The following BUB1 variants were observed in gnomAD, a reference collection of about 807,000 sequenced individuals.
BUB1 encodes mitotic checkpoint serine/threonine-protein kinase BUB1.
In BUB1, 84 loss-of-function variants were observed where a neutral mutation model predicts 135.2. The ratio of observed to expected loss-of-function variants is 0.62; its 90% CI spans 0.52 to 0.74. The LOEUF (loss-of-function observed/expected upper bound fraction) is 0.74, where lower values mean the gene tolerates loss of function less well. BUB1 is among the 30% of genes least tolerant of loss of function. BUB1 has a pLI of 0.00. For synonymous variants in BUB1, 403 were observed against 434.4 expected (o/e 0.93, Z 0.90); for missense variants, 1,162 against 1,288.3 (o/e 0.90, Z 1.50).
intron 18 of BUB1, among the ~76,000 whole-genome samples, chr2:110,649,660 G>A (rs1004999715): frequency 6.6e-6 from 1 of 152,122 alleles, no homozygotes; most frequent in African/African-American, 2.4e-5. Context: ...CAACTGGAAC[G>A]GCTAGATTCT....
Position 110,641,290 on chromosome 2 carries a change from A to T in BUB1, c.2783+17T>A, listed in dbSNP as rs749148206. 12 of 1,597,484 alleles carry T rather than the reference A, an allele frequency of 7.5e-6. No individual in the cohort carries two copies. The highest frequency in any genetic ancestry group is 1.7e-4 in the Middle Eastern group (1 of 5,992). The stretch of plus-strand genomic sequence containing the variant: ...GAAATAGGAAGAGAAGAACCCTGTT[A>T]AAAGCATAACACTTGCCCGTTTCCA... On this transcript the variant is annotated intron_variant, in intron 22 of 24. Transcript: ENST00000302759.
At chr2:110,658,817 A>T in intron 11 of BUB1, 75 bp from the exon 12 acceptor site, 1 of 1,552,552 alleles carries the variant, frequency 6.4e-7, no homozygotes, top group Non-Finnish European at 8.8e-7. Context: ...CAATTTAAGT[A>T]AGTTACAATT....
intron 1 of BUB1, among the ~76,000 whole-genome samples, chr2:110,675,913 A>G (rs1279293375): frequency 6.6e-6 from 1 of 152,178 alleles, no homozygotes; most frequent in African/African-American, 2.4e-5. Context: ...GGTCTCCCAA[A>G]GTGTTAGAAT....
chr2:110,662,041 G>A (rs1446191223), intron 9 of BUB1, 200 bp from the exon 10 acceptor site: 1 of 592,538 alleles, frequency 1.7e-6, no homozygotes, highest in Non-Finnish European at 2.9e-6. Flanking sequence ...TGGATGCTTT[G>A]TAGCTTCTGA....
Position 110,641,364 on chromosome 2 carries a change from T to C in BUB1, c.2726A>G (p.His909Arg). 6.2e-7 allele frequency: 1 copy of C among 1,614,108 alleles called. No individual in the cohort carries two copies. The highest frequency in any genetic ancestry group is 1.1e-5 in the South Asian group (1 of 91,028). Reference sequence around the variant, plus strand: ...GTCTCCATGAATGATTTCACAGTCATGCACTTGCTCAATCATGTAAAGCAT... The same window carrying C: ...GTCTCCATGAATGATTTCACAGTCACGCACTTGCTCAATCATGTAAAGCAT... The part of the protein sequence containing the change: ...MRMLYMIEQV[H>R]DCEIIHGDIK... Residue 909 changes from histidine (H) to arginine (R), a missense_variant, in exon 22 of 25, where the codon CAT (histidine) becomes CGT (arginine). By Grantham distance (29) the His-to-Arg change is conservative. Coordinates refer to ENST00000302759, the MANE Select transcript of BUB1 (RefSeq NM_004336.5).
chr2:110,647,502 T>C (rs1689672819), intron 19 of BUB1, among the ~76,000 whole-genome samples: 1 of 151,702 alleles, frequency 6.6e-6, no homozygotes, highest in South Asian at 2.1e-4. Context: ...TATCAATAAA[T>C]GCAGAAAATA....
At chr2:110,657,853 G>A (rs147541809) in intron 13 of BUB1, among the ~76,000 whole-genome samples, 182 of 152,296 alleles carry the variant, frequency 1.2e-3, no homozygotes, top group Admixed American at 3.7e-3. Context: ...CCCAGGTCAC[G>A]AGTCCCTGCC....
intron 5 of BUB1, 63 bp from the exon 6 acceptor site, chr2:110,669,616 A>G: frequency 9.4e-7 from 1 of 1,064,824 alleles, no homozygotes; most frequent in Non-Finnish European, 1.4e-6. Flanking sequence ...TAAAATTATC[A>G]CATAATAAAT....
chr2:110,670,459 G>T (rs1690391284), intron 5 of BUB1, 66 bp downstream of exon 5: 3 of 1,578,774 alleles, frequency 1.9e-6, no homozygotes, highest in African/African-American at 1.3e-5. Context: ...TTAAAGAAAA[G>T]AAAATACTAG....
intron 19 of BUB1, among the ~76,000 whole-genome samples, chr2:110,647,861 C>T (rs569028586): frequency 1.2e-4 from 19 of 152,148 alleles, no homozygotes; most frequent in Non-Finnish European, 2.2e-4. Context: ...TATCACTGTT[C>T]ACGTATCAGA....
rs1257146472 is a variant in BUB1, at chr2:110,674,291, T to C, written c.86+15A>G. 2 of 1,613,694 alleles carry C rather than the reference T, an allele frequency of 1.2e-6. No individual in the cohort carries two copies. The highest frequency in any genetic ancestry group is 1.7e-6 in the Non-Finnish European group (2 of 1,179,846). ...TATAGTTTGTTTAAGGGAAATAAAATAACTAAATGCTGACCTTTCCCATTC... is the reference window on the plus strand; with the variant it reads ...TATAGTTTGTTTAAGGGAAATAAAACAACTAAATGCTGACCTTTCCCATTC... On this transcript the variant is annotated intron_variant, in intron 2 of 24. Transcript: ENST00000302759.
intron 24 of BUB1, among the ~76,000 whole-genome samples, chr2:110,639,517 G>A (rs1294928402): frequency 3.3e-5 from 5 of 152,138 alleles, no homozygotes; most frequent in Non-Finnish European, 7.4e-5. Flanking sequence ...ATTTGGCCAG[G>A]AGCTTTCAGT....
At position 110,667,701 on chromosome 2, in the gene BUB1, G is replaced by C. The variant is rs770034113; in HGVS notation, c.625C>G (p.Arg209Gly). 1 of 1,612,148 alleles carries C rather than the reference G, an allele frequency of 6.2e-7. No individual in the cohort carries two copies. The highest frequency in any genetic ancestry group is 8.5e-7 in the Non-Finnish European group (1 of 1,179,364). ...GATTTAGAAATCGTGATCACTCTTCGTTCCCTACAATGGGGGAAAATACAT... is the reference window on the plus strand; with the variant it reads ...GATTTAGAAATCGTGATCACTCTTCCTTCCCTACAATGGGGGAAAATACAT... ...SACDKESNME[R>G]RVITISKSEY... The change falls in exon 8 of 25, where the codon CGA becomes GGA. Residue 209 changes from arginine to glycine, a missense_variant. By Grantham distance (125) the Arg-to-Gly change is moderately radical. Transcript: ENST00000302759.
At chr2:110,659,690 T>C (rs1478600656) in intron 11 of BUB1, among the ~76,000 whole-genome samples, 1 of 152,242 alleles carries the variant, frequency 6.6e-6, no homozygotes, top group Non-Finnish European at 1.5e-5. Flanking sequence ...CTTTCCTACC[T>C]AACATACTAA....
chr2:110,657,668 A>G, intron 13 of BUB1, 23 bp from the exon 14 acceptor site: 1 of 1,507,656 alleles, frequency 6.6e-7, no homozygotes, highest in Middle Eastern at 1.8e-4. Context: ...AAAAAATAGC[A>G]TCTAATTATT....
intron 17 of BUB1, 110 bp downstream of exon 17, chr2:110,653,325 TA>T: frequency 3.6e-6 from 4 of 1,098,954 alleles, no homozygotes; most frequent in Non-Finnish European, 4.0e-6. Flanking sequence ...CCTTTAAGGC[TA>T]AAATTAGGTA....
At chr2:110,642,367 C>T in intron 19 of BUB1, 133 bp from the exon 20 acceptor site, 1 of 532,022 alleles carries the variant, frequency 1.9e-6, no homozygotes, top group South Asian at 2.9e-5. Flanking sequence ...TTAACTCTTA[C>T]ATAACCATGG....
chr2:110,670,399 A>G, intron 5 of BUB1, 126 bp downstream of exon 5: 1 of 1,089,500 alleles, frequency 9.2e-7, no homozygotes, highest in South Asian at 1.3e-5. Context: ...TGGCCTCCCA[A>G]AGTGCTGGGA....
chr2:110,661,533 A>T, intron 10 of BUB1, 49 bp downstream of exon 10: 2 of 1,584,872 alleles, frequency 1.3e-6, no homozygotes, highest in Non-Finnish European at 1.7e-6. Flanking sequence ...AAAGAAGGTG[A>T]CAGGTGCCAC....
Sources: allele counts gnomAD v4.1 joint callset (sites outside exome capture counted in the v4.1 genomes callset), GRCh38; gene constraint gnomAD v4.1.1; transcripts MANE v1.5; gene names NCBI Gene and HGNC (gene_info 2026-07-23, HGNC 2026-07-21).